Variants in USH2A observed in about 807,000 individuals in gnomAD.
USH2A encodes the protein usherin, also known as Usher syndrome 2A (autosomal recessive, mild).
USH2A carries 443 observed loss-of-function variants against 538.9 expected under a neutral mutation model. The ratio of observed to expected loss-of-function variants is 0.82; its 90% CI spans 0.76 to 0.89. The LOEUF (loss-of-function observed/expected upper bound fraction) is 0.89. Among genes scored for constraint, USH2A ranks in the 40% least tolerant of loss-of-function variants. USH2A has a pLI of 0.00. For synonymous variants in USH2A, 2,413 were observed against 2,273.5 expected (o/e 1.06, Z -1.75); for missense variants, 6,633 against 6,324.8 (o/e 1.05, Z -1.65).
intron 50 of USH2A, among the ~76,000 whole-genome samples, chr1:215,793,564 T>C (rs1256592506): frequency 6.9e-6 from 1 of 145,574 alleles, no homozygotes; most frequent in East Asian, 1.9e-4. Flanking sequence ...TATATTACAC[T>C]TTTCAAAAAA....
At chr1:215,804,830 C>A (rs1422828217) in intron 49 of USH2A, among the ~76,000 whole-genome samples, 6 of 152,166 alleles carry the variant, frequency 3.9e-5, no homozygotes, top group Non-Finnish European at 8.8e-5. Context: ...AAGACACATG[C>A]ACACGTATGT....
chr1:215,790,978 G>T (rs774642518), intron 50 of USH2A, among the ~76,000 whole-genome samples: 11 of 152,080 alleles, frequency 7.2e-5, no homozygotes, highest in Non-Finnish European at 1.5e-4. Flanking sequence ...GGGGGCAGCC[G>T]CAGAAAGACC....
intron 43 of USH2A, among the ~76,000 whole-genome samples, chr1:215,876,704 A>G (rs796140586): frequency 1.1e-4 from 17 of 152,358 alleles, no homozygotes; most frequent in African/African-American, 4.1e-4. Flanking sequence ...GAATCAGACC[A>G]GCAAGAGTGT....
In USH2A at chr1:216,012,933, C is replaced by T. The variant is rs969658506; in HGVS notation, c.6326-12371G>A. On this transcript the variant is annotated intron_variant, in intron 32 of 71. Transcript: ENST00000307340. ...TCTGTCTAGTCATACTCCTATTCAC[C>T]GTTCTCAACTACTCATACATGTCCT... 5.5e-4 allele frequency among the ~76,000 whole-genome samples: 84 copies of T among 152,076 alleles called. 1 individual carries two copies. The highest frequency in any genetic ancestry group is 8.5e-4 in the Non-Finnish European group (58 of 68,014).
intron 64 of USH2A, among the ~76,000 whole-genome samples, chr1:215,655,979 C>T (rs1657238070): frequency 6.6e-6 from 1 of 151,992 alleles, no homozygotes. Context: ...AGTGATCTGC[C>T]CACCTCCGCC....
intron 9 of USH2A, among the ~76,000 whole-genome samples, chr1:216,311,710 G>T (rs1558032763): frequency 1.3e-5 from 2 of 152,066 alleles, no homozygotes; most frequent in African/African-American, 4.8e-5. Flanking sequence ...GAGAACCGCA[G>T]GTGGAGCTTG....
At chr1:216,376,259 A>G (rs2038819282) in intron 3 of USH2A, among the ~76,000 whole-genome samples, 1 of 152,208 alleles carries the variant, frequency 6.6e-6, no homozygotes, top group Admixed American at 6.6e-5. Flanking sequence ...TCTGTGAAGC[A>G]CAACAGAACA....
chr1:216,051,894 A>C (rs72744699), intron 30 of USH2A, among the ~76,000 whole-genome samples: 7,531 of 152,284 alleles, frequency 0.049, 293 homozygotes, highest in African/African-American at 0.11. Flanking sequence ...TTTCCAAATC[A>C]TAACTAGAGT....
chr1:215,773,765 T>A (rs1661373372), intron 55 of USH2A, among the ~76,000 whole-genome samples: 1 of 152,140 alleles, frequency 6.6e-6, no homozygotes, highest in Admixed American at 6.5e-5. Context: ...CCTACTGAGA[T>A]TCCCAGGAAC....
At chr1:215,789,718 T>G (rs1283200396) in intron 51 of USH2A, among the ~76,000 whole-genome samples, 1 of 152,192 alleles carries the variant, frequency 6.6e-6, no homozygotes, top group Non-Finnish European at 1.5e-5. Context: ...AATTTCCTCC[T>G]GCCTCCATCC....
chr1:216,397,290 A>T (rs2039227675), intron 3 of USH2A, among the ~76,000 whole-genome samples: 1 of 152,226 alleles, frequency 6.6e-6, no homozygotes, highest in Admixed American at 6.5e-5. Context: ...TTGCCAATAC[A>T]CTTGACCACT....
chr1:215,741,259 CACA>C, intron 60 of USH2A, 113 bp downstream of exon 60: 4 of 1,235,714 alleles, frequency 3.2e-6, no homozygotes, highest in Non-Finnish European at 4.6e-6. Context: ...CAAAAAAAAA[CACA>C]ACATGAATTC....
At chr1:216,045,893 A>T (rs2030494581) in intron 32 of USH2A, among the ~76,000 whole-genome samples, 1 of 152,180 alleles carries the variant, frequency 6.6e-6, no homozygotes, top group Non-Finnish European at 1.5e-5. Flanking sequence ...CAGTTTCACC[A>T]TGAATCTAAT....
rs139505541 is a variant in USH2A, at chr1:215,850,611, C to A, written c.8846-4578G>T. 3.9e-3 allele frequency among the ~76,000 whole-genome samples: 586 copies of A among 152,200 alleles called. 5 individuals are homozygous for A. The highest frequency in any genetic ancestry group is 0.013 in the African/African-American group (533 of 41,534). On this transcript the variant is annotated intron_variant, in intron 44 of 71. Coordinates refer to ENST00000307340, the MANE Select transcript of USH2A (RefSeq NM_206933.4). ...AATAATAGCAGGGGACTTCAATACT[C>A]CACTGACAGTACTAGACAGGTCATC...
intron 70 of USH2A, 78 bp downstream of exon 70, chr1:215,634,381 T>C: frequency 1.2e-6 from 2 of 1,605,414 alleles, no homozygotes; most frequent in Non-Finnish European, 1.7e-6. Flanking sequence ...ACCATGGCTA[T>C]GACACATTTT....
At chr1:216,147,344 A>ACTAGCCCTCCCCCACCTGC (rs2033729489) in intron 21 of USH2A, among the ~76,000 whole-genome samples, 1 of 152,128 alleles carries the variant, frequency 6.6e-6, no homozygotes, top group Non-Finnish European at 1.5e-5. Context: ...TCGTTCCGTG[A>ACTAGCCCTCCCCCACCTGC]CTAGCCCTCC....
chr1:216,143,141 G>A (rs1429436551), intron 21 of USH2A, among the ~76,000 whole-genome samples: 2 of 152,078 alleles, frequency 1.3e-5, no homozygotes, highest in Non-Finnish European at 2.9e-5. Context: ...TGTAATAAGT[G>A]TGCCTTCCCA....
chr1:215,759,202 C>A (rs1160344794), intron 57 of USH2A, among the ~76,000 whole-genome samples: 1 of 152,062 alleles, frequency 6.6e-6, no homozygotes, highest in African/African-American at 2.4e-5. Context: ...TTTGTCTCTG[C>A]TGAGAAATGA....
chr1:216,039,782 A>G (rs936056104), intron 32 of USH2A, among the ~76,000 whole-genome samples: 2 of 152,080 alleles, frequency 1.3e-5, no homozygotes, highest in South Asian at 4.1e-4. Context: ...TGCCATAAGC[A>G]ATACAGCTTC....
Sources: allele counts gnomAD v4.1 joint callset (sites outside exome capture counted in the v4.1 genomes callset), GRCh38; gene constraint gnomAD v4.1.1; transcripts MANE v1.5; gene names NCBI Gene and HGNC (gene_info 2026-07-23, HGNC 2026-07-21).